The following CCDC68 variants were observed in gnomAD, a reference collection of about 807,000 sequenced individuals.
The protein encoded by CCDC68 is coiled-coil domain-containing protein 68.
In CCDC68, 45 loss-of-function variants were observed where a neutral mutation model predicts 47.1. That is an observed-to-expected ratio of 0.96 (90% CI 0.75 to 1.23). The LOEUF (loss-of-function observed/expected upper bound fraction) is 1.23, where lower values mean the gene tolerates loss of function less well. Among genes scored for constraint, CCDC68 ranks in the 50% most tolerant of loss-of-function variants. The probability of loss-of-function intolerance (pLI) is 0.00; values close to 1 mark genes in which losing one functional copy is unlikely to be tolerated. For synonymous variants in CCDC68, 131 were observed against 129.5 expected (o/e 1.01, Z -0.08); for missense variants, 353 against 373.6 (o/e 0.94, Z 0.45).
intron 8 of CCDC68, among the ~76,000 whole-genome samples, chr18:54,923,325 A>C (rs1194585018): frequency 6.6e-6 from 1 of 152,194 alleles, no homozygotes; most frequent in African/African-American, 2.4e-5. Flanking sequence ...CAATGGGAAA[A>C]AAAGATGGCT....
At chr18:54,944,794 C>G (rs1302626488) in intron 2 of CCDC68, among the ~76,000 whole-genome samples, 1 of 151,978 alleles carries the variant, frequency 6.6e-6, no homozygotes, top group Non-Finnish European at 1.5e-5. Flanking sequence ...GTAAAAAAAC[C>G]TAAGCATCAT....
chr18:54,958,901 T>C (rs1714735119), intron 1 of CCDC68, among the ~76,000 whole-genome samples: 2 of 152,160 alleles, frequency 1.3e-5, no homozygotes, highest in Non-Finnish European at 2.9e-5. Context: ...TCTCTGCTCT[T>C]TAAAAAATGC....
chr18:54,925,212 T>C (rs763752929), intron 8 of CCDC68, among the ~76,000 whole-genome samples: 21 of 152,210 alleles, frequency 1.4e-4, no homozygotes, highest in Middle Eastern at 3.2e-3. Context: ...GTAGCATCCA[T>C]GGGCCTAATT....
At chr18:54,953,547 T>TAG (rs1568166305) in intron 1 of CCDC68, among the ~76,000 whole-genome samples, 51 of 131,276 alleles carry the variant, frequency 3.9e-4, no homozygotes, top group African/African-American at 1.3e-3. Context: ...CACATATATA[T>TAG]ATATAGAGAG....
At chr18:54,935,468 C>G (rs547527741) in intron 6 of CCDC68, among the ~76,000 whole-genome samples, 6 of 152,294 alleles carry the variant, frequency 3.9e-5, no homozygotes, top group Admixed American at 2.6e-4. Context: ...TGTCGACTAA[C>G]TTGTTACTCT....
chr18:54,949,058 A>C (rs896087439), intron 1 of CCDC68, among the ~76,000 whole-genome samples: 10 of 152,262 alleles, frequency 6.6e-5, no homozygotes, highest in Middle Eastern at 3.4e-3. Flanking sequence ...AAGTGGCGTG[A>C]TCTCTGCTTA....
chr18:54,936,246 GT>G (rs1568152133), intron 6 of CCDC68, among the ~76,000 whole-genome samples: 1 of 135,474 alleles, frequency 7.4e-6, no homozygotes, highest in Non-Finnish European at 1.6e-5. Flanking sequence ...AAAATATATA[GT>G]TATATATATT....
Position 54,912,464 on chromosome 18 carries a change from G to T in CCDC68, c.874-4602C>A, listed in dbSNP as rs150526411. Among the ~76,000 whole-genome samples, 223 of 152,054 alleles carry T rather than the reference G, an allele frequency of 1.5e-3. No individual in the cohort carries two copies. The South Asian group carries it at 0.016, about 11-fold the overall frequency. On this transcript the variant is annotated intron_variant, in intron 10 of 11. Transcript: ENST00000591504. ...TGCTAGGATAGAAAGACCACCACAG[G>T]AAAAAAGGAGGTGTTTCCATTACTT...
intron 6 of CCDC68, among the ~76,000 whole-genome samples, chr18:54,935,480 CTG>C (rs1370897493): frequency 6.6e-6 from 1 of 152,190 alleles, no homozygotes. Flanking sequence ...TGTTACTCTT[CTG>C]TGTGTGTATT....
At chr18:54,935,003 C>A in intron 6 of CCDC68, 55 bp from the exon 7 acceptor site, 1 of 1,330,862 alleles carries the variant, frequency 7.5e-7, no homozygotes, top group Non-Finnish European at 9.7e-7. Context: ...TAAACCTATA[C>A]ACATATTACC....
intron 4 of CCDC68, among the ~76,000 whole-genome samples, chr18:54,940,636 C>A (rs1457110698): frequency 6.6e-6 from 1 of 152,208 alleles, no homozygotes; most frequent in Non-Finnish European, 1.5e-5. Flanking sequence ...AAAGTCTTGA[C>A]TCAACTCAGG....
rs767678984 is a variant in CCDC68, at chr18:54,934,814, G to A, written c.600+6C>T. 3 of 1,512,794 alleles carry A rather than the reference G, an allele frequency of 2.0e-6. No individual in the cohort carries two copies. The highest frequency in any genetic ancestry group is 5.1e-5 in the East Asian group (2 of 39,564). 93.7% of individuals were successfully genotyped at this position (1,512,794 alleles called of 1,614,324 possible). A position where few individuals can be genotyped will look rare whatever the true frequency, so the allele number is the denominator to read the frequency against. On this transcript the variant is annotated splice_donor_region_variant and intron_variant, in intron 7 of 11. Transcript: ENST00000591504. ...AAGAAAATCCTCTAATTCTCCAGGG[G>A]CGTACCTTTTCCATTCTCTGTACAA...
chr18:54,949,400 G>C (rs899401919), intron 1 of CCDC68, among the ~76,000 whole-genome samples: 2 of 152,154 alleles, frequency 1.3e-5, no homozygotes, highest in Non-Finnish European at 2.9e-5. Flanking sequence ...ACTTTTTGAG[G>C]CTTCGTTTGC....
At chr18:54,945,169 A>T (rs896014079) in intron 2 of CCDC68, among the ~76,000 whole-genome samples, 1 of 152,224 alleles carries the variant, frequency 6.6e-6, no homozygotes, top group African/African-American at 2.4e-5. Flanking sequence ...ATAAAGATTA[A>T]GGAAATTTAG....
intron 1 of CCDC68, among the ~76,000 whole-genome samples, chr18:54,953,522 ACAC>A (rs2044654903): frequency 1.5e-5 from 2 of 129,644 alleles, no homozygotes; most frequent in African/African-American, 6.4e-5. Flanking sequence ...ACACACACAC[ACAC>A]ACACACACAC....
intron 11 of CCDC68, among the ~76,000 whole-genome samples, chr18:54,906,577 A>G (rs1914021186): frequency 6.6e-6 from 1 of 151,986 alleles, no homozygotes; most frequent in Admixed American, 6.6e-5. Context: ...ATAGTGCTTC[A>G]CCATCCCAAT....
chr18:54,902,655 G>A lies in CCDC68; in HGVS notation c.*1703C>T, dbSNP rs1328649774. 1 of 152,198 alleles carries A rather than the reference G, an allele frequency of 6.6e-6. No homozygotes were observed. The highest frequency in any genetic ancestry group is 1.5e-5 in the Non-Finnish European group (1 of 68,028). The allele number at this position is 152,198 out of a possible 1,614,324, so 9.4% of individuals were successfully genotyped here. ...CAAAATATTGATTTTATCAGTATTT[G>A]TTGTTTCTTACTGTCATCCACAAAA... On this transcript the variant is annotated 3_prime_UTR_variant, in exon 12 of 12. Transcript: ENST00000591504.
chr18:54,910,342 G>A (rs1914284883), intron 10 of CCDC68, among the ~76,000 whole-genome samples: 1 of 152,182 alleles, frequency 6.6e-6, no homozygotes, highest in Non-Finnish European at 1.5e-5. Flanking sequence ...TTGATTCTCA[G>A]TAGAGAGGAG....
Position 54,904,323 on chromosome 18 carries a change from G to T in CCDC68, c.*35C>A. ...GTTTCAGAGAATAAATAAGACTCAC[G>T]CAGTCTTTCTAAATCAGATCTTCAT... On this transcript the variant is annotated 3_prime_UTR_variant, in exon 12 of 12. Coordinates refer to ENST00000591504, the MANE Select transcript of CCDC68 (RefSeq NM_025214.3). The T allele has an allele frequency of 6.7e-7, 1 of 1,496,110 alleles. No individual in the cohort carries two copies. Among genetic ancestry groups the T allele is most frequent in the African/African-American group, 1.4e-5 (1 of 72,684 alleles). The allele number at this position is 1,496,110 out of a possible 1,614,324, so 92.7% of individuals were successfully genotyped here.
Sources: gnomAD v4.1 joint callset for allele counts (sites outside exome capture counted in the v4.1 genomes callset) on GRCh38, gnomAD v4.1.1 for gene constraint, MANE v1.5 for transcripts, NCBI Gene and HGNC (gene_info 2026-07-23, HGNC 2026-07-21) for gene names.